The following PRKDC variants were observed in gnomAD, a reference collection of about 807,000 sequenced individuals.
PRKDC encodes DNA-dependent protein kinase catalytic subunit.
PRKDC carries 82 observed loss-of-function variants against 486.9 expected under a neutral mutation model. The observed-to-expected ratio is 0.17, with a 90% confidence interval of 0.14 to 0.20. The LOEUF (loss-of-function observed/expected upper bound fraction) is 0.20. Ranked by LOEUF, PRKDC falls within the 10% of genes least tolerant of loss-of-function variation. The probability of loss-of-function intolerance (pLI) is 1.00; values close to 1 mark genes in which losing one functional copy is unlikely to be tolerated. For synonymous variants in PRKDC, 1,895 were observed against 1,837.0 expected (o/e 1.03, Z -0.81); for missense variants, 4,504 against 5,038.2 (o/e 0.89, Z 3.21).
At chr8:47,949,874 C>A (rs964136569) in intron 7 of PRKDC, among the ~76,000 whole-genome samples, 1 of 152,006 alleles carries the variant, frequency 6.6e-6, no homozygotes, top group African/African-American at 2.4e-5. Context: ...CTGCTGCCTA[C>A]ATAGGTTAAA....
At chr8:47,838,009 AC>A (rs1191941347) in intron 56 of PRKDC, among the ~76,000 whole-genome samples, 1 of 151,928 alleles carries the variant, frequency 6.6e-6, no homozygotes, top group Non-Finnish European at 1.5e-5. Context: ...GGTGGCACCC[AC>A]CTGTAGTCCC....
rs982683071 is a variant in PRKDC, at chr8:47,863,305, T to C, written c.5750+94A>G. 4.7e-6 allele frequency: 5 copies of C among 1,069,932 alleles called. No homozygotes were observed. The African/African-American group carries it at 8.3e-5, about 18-fold the overall frequency. The allele number at this position is 1,069,932 out of a possible 1,614,324, so 66.3% of individuals were successfully genotyped here. A position where few individuals can be genotyped will look rare whatever the true frequency, so the allele number is the denominator to read the frequency against. On this transcript the variant is annotated intron_variant, in intron 42 of 85. Coordinates refer to ENST00000314191, the MANE Select transcript of PRKDC (RefSeq NM_006904.7). ...AAACTATAAAAGCTCAGTATCTAAA[T>C]AAAATATTTATTCACACTATATACA...
At position 47,907,010 on chromosome 8, in the gene PRKDC, G is replaced by C. The variant is rs560903824; in HGVS notation, c.2935-2034C>G. 6.8e-4 allele frequency among the ~76,000 whole-genome samples: 103 copies of C among 151,082 alleles called. 1 individual carries two copies. Among genetic ancestry groups the C allele is most frequent in the African/African-American group, 2.3e-3 (97 of 41,378 alleles). ...TTTGAAAGTTTAACCTGGTCTTAAA[G>C]CATCACTTTTTTTTCCACAAAAGAA... is the stretch of plus-strand genomic sequence containing the variant. On this transcript the variant is annotated intron_variant, in intron 25 of 85. Coordinates refer to ENST00000314191, the MANE Select transcript of PRKDC (RefSeq NM_006904.7).
intron 16 of PRKDC, among the ~76,000 whole-genome samples, chr8:47,931,871 C>T (rs1245171584): frequency 1.3e-5 from 2 of 152,140 alleles, no homozygotes; most frequent in African/African-American, 4.8e-5. Flanking sequence ...AGCAGGGCAG[C>T]TCCAGACTTA....
At chr8:47,945,878 C>T (rs559876508) in intron 7 of PRKDC, among the ~76,000 whole-genome samples, 25 of 152,198 alleles carry the variant, frequency 1.6e-4, no homozygotes, top group African/African-American at 2.6e-4. Context: ...CCTGCCACCA[C>T]GCCCGGCTAA....
chr8:47,828,042 GTACATCT>G (rs2087776112), intron 62 of PRKDC, 119 bp downstream of exon 62: 3 of 883,486 alleles, frequency 3.4e-6, no homozygotes, highest in Non-Finnish European at 4.9e-6. Context: ...AACCCAAATA[GTACATCT>G]TACTCTGTTA....
At chr8:47,908,637 T>C (rs1343767626) in intron 25 of PRKDC, among the ~76,000 whole-genome samples, 1 of 152,186 alleles carries the variant, frequency 6.6e-6, no homozygotes, top group East Asian at 1.9e-4. Flanking sequence ...CATGTCAAGA[T>C]GTGTTATTAT....
At chr8:47,797,889 C>T (rs775528258) in intron 73 of PRKDC, among the ~76,000 whole-genome samples, 1 of 152,232 alleles carries the variant, frequency 6.6e-6, no homozygotes, top group Non-Finnish European at 1.5e-5. Context: ...GGCTAAATGA[C>T]AGGTGAGCAC....
At position 47,860,256 on chromosome 8, in the gene PRKDC, G is replaced by C. The variant is rs192900807; in HGVS notation, c.6059-497C>G. ...AGGGATAGTGGACTAATTTTAAATAGGGAGGCCAGGAAGAGTCTACTTCAG... is the reference window on the plus strand; with the variant it reads ...AGGGATAGTGGACTAATTTTAAATACGGAGGCCAGGAAGAGTCTACTTCAG... On this transcript the variant is annotated intron_variant, in intron 45 of 85. Transcript: ENST00000314191. Among the ~76,000 whole-genome samples, 113 of 152,324 alleles carry C rather than the reference G, an allele frequency of 7.4e-4. 1 individual carries two copies. Among genetic ancestry groups the C allele is most frequent in the African/African-American group, 2.7e-3 (111 of 41,570 alleles).
rs780018159 is a variant in PRKDC, at chr8:47,837,379, G to C, written c.7594C>G (p.Pro2532Ala). 1.2e-6 allele frequency: 2 copies of C among 1,612,362 alleles called. No individual in the cohort carries two copies. Among genetic ancestry groups the C allele is most frequent in the Non-Finnish European group, 1.7e-6 (2 of 1,178,432 alleles). ...RNFWSHETRL[P>A]SNTLDRLLAL... is the part of the protein sequence containing the mutation. The stretch of plus-strand genomic sequence containing the variant: ...AGCAACCGGTCCAAGGTATTTGAAG[G>C]TAACCTAGTTTCATGGCTCCAGAAA... Residue 2532 changes from proline to alanine, a missense_variant, in exon 57 of 86, where the codon CCT (proline) becomes GCT (alanine). Pro to Ala is a conservative substitution (Grantham distance 27). Transcript: ENST00000314191.
At chr8:47,775,777 A>G (rs2086597919) in intron 85 of PRKDC, among the ~76,000 whole-genome samples, 1 of 151,474 alleles carries the variant, frequency 6.6e-6, no homozygotes, top group African/African-American at 2.4e-5. Context: ...AAAAAATGGC[A>G]AGTATCACAA....
chr8:47,922,502 C>G (rs779716453), intron 21 of PRKDC, among the ~76,000 whole-genome samples: 1 of 151,752 alleles, frequency 6.6e-6, no homozygotes, highest in South Asian at 2.1e-4. Flanking sequence ...GATAAGGTCT[C>G]CTTATGTTGC....
At chr8:47,923,066 CTT>C (rs879732716) in intron 21 of PRKDC, among the ~76,000 whole-genome samples, 20 of 140,932 alleles carry the variant, frequency 1.4e-4, no homozygotes, top group Admixed American at 1.4e-4. Flanking sequence ...AGAAGTCATT[CTT>C]TTTTTTTTTT....
At chr8:47,784,995 C>G in intron 77 of PRKDC, 118 bp downstream of exon 77, 2 of 1,037,144 alleles carry the variant, frequency 1.9e-6, no homozygotes, top group South Asian at 1.5e-5. Context: ...TTTTAAAATT[C>G]TTTAAAAAAA....
Position 47,863,391 on chromosome 8 carries a change from A to G in PRKDC, c.5750+8T>C. 1 of 1,578,924 alleles carries G rather than the reference A, an allele frequency of 6.3e-7. No individual in the cohort carries two copies. The highest frequency in any genetic ancestry group is 8.6e-7 in the Non-Finnish European group (1 of 1,158,860). On this transcript the variant is annotated splice_region_variant and intron_variant, in intron 42 of 85. Transcript: ENST00000314191. ...TAAAATAGAATCCAAAATTAAGTAA[A>G]ATCTTACTTAATCAATGTCTTTGTA...
intron 42 of PRKDC, 133 bp from the exon 43 acceptor site, chr8:47,862,674 T>C (rs1017653535): frequency 3.9e-6 from 3 of 768,920 alleles, no homozygotes. Flanking sequence ...GGCAGAGTAT[T>C]AGGCACTGGG....
chr8:47,832,304 T>G (rs1440590946), intron 59 of PRKDC, among the ~76,000 whole-genome samples: 1 of 152,124 alleles, frequency 6.6e-6, no homozygotes, highest in Non-Finnish European at 1.5e-5. Flanking sequence ...CAGGGACAGG[T>G]GACCGCAACA....
At chr8:47,793,062 A>G (rs1379941420) in intron 74 of PRKDC, among the ~76,000 whole-genome samples, 4 of 152,090 alleles carry the variant, frequency 2.6e-5, no homozygotes, top group Non-Finnish European at 5.9e-5. Flanking sequence ...TTATTTTACT[A>G]TTTTAGAGAT....
intron 10 of PRKDC, 199 bp from the exon 11 acceptor site, chr8:47,939,896 G>A: frequency 4.1e-6 from 1 of 244,918 alleles, no homozygotes; most frequent in Non-Finnish European, 7.6e-6. Flanking sequence ...ATAAGGCTAT[G>A]TGATACATTT....
Sources: allele counts gnomAD v4.1 joint callset (sites outside exome capture counted in the v4.1 genomes callset), GRCh38; gene constraint gnomAD v4.1.1; transcripts MANE v1.5; gene names NCBI Gene and HGNC (gene_info 2026-07-23, HGNC 2026-07-21).